JARID2: variants seen among roughly 807,000 people sequenced by gnomAD.
The protein encoded by JARID2 is protein Jumonji.
A neutral mutation model predicts 125.6 loss-of-function variants in JARID2; 21 were observed. That is an observed-to-expected ratio of 0.17 (90% CI 0.12 to 0.24). The LOEUF (loss-of-function observed/expected upper bound fraction) is 0.24. Ranked by LOEUF, JARID2 falls within the 10% of genes least tolerant of loss-of-function variation. The pLI is 1.00. For synonymous variants in JARID2, 736 were observed against 661.6 expected (o/e 1.11, Z -1.73); for missense variants, 1,303 against 1,639.6 (o/e 0.79, Z 3.55).
At chr6:15,260,595 C>T (rs1018670191) in intron 1 of JARID2, among the ~76,000 whole-genome samples, 7 of 152,188 alleles carry the variant, frequency 4.6e-5, no homozygotes, top group South Asian at 2.1e-4. Context: ...TCAATTAGTT[C>T]TGCAGAAACT....
intron 1 of JARID2, among the ~76,000 whole-genome samples, chr6:15,327,528 AGTGTGTGTGTGTGTGTGTGTGTGCGC>A (rs1762570716): frequency 6.7e-6 from 1 of 149,270 alleles, no homozygotes; most frequent in African/African-American, 2.5e-5. Flanking sequence ...ATTCTGGAAG[AGTGTGTGTGTGTGTGTGTGTGTGCGC>A]GTGTGTGTGC....
At chr6:15,361,984 C>T (rs540140286) in intron 1 of JARID2, among the ~76,000 whole-genome samples, 1 of 148,730 alleles carries the variant, frequency 6.7e-6, no homozygotes, top group East Asian at 2.0e-4. Context: ...CAAACTCTGC[C>T]TTCTGGGTTC....
chr6:15,362,249 C>G lies in JARID2; in HGVS notation c.46-11868C>G, dbSNP rs575289876. ...AGTTTAAGTGTTATTGAGGTCTTCTCTCAGGGTTACATAGGATCATGCATT... is the reference window on the plus strand; with the variant it reads ...AGTTTAAGTGTTATTGAGGTCTTCTGTCAGGGTTACATAGGATCATGCATT... On this transcript the variant is annotated intron_variant, in intron 1 of 17. Coordinates refer to ENST00000341776, the MANE Select transcript of JARID2 (RefSeq NM_004973.4). 7.9e-5 allele frequency among the ~76,000 whole-genome samples: 12 copies of G among 152,202 alleles called. No homozygotes were observed. The South Asian group carries it at 1.7e-3, about 21-fold the overall frequency.
At chr6:15,362,752 G>T (rs553653341) in intron 1 of JARID2, among the ~76,000 whole-genome samples, 6 of 152,282 alleles carry the variant, frequency 3.9e-5, no homozygotes, top group African/African-American at 1.4e-4. Flanking sequence ...GAGAAAGAAC[G>T]TGGGGTAGAT....
intron 5 of JARID2, among the ~76,000 whole-genome samples, chr6:15,475,163 A>T (rs919866773): frequency 2.0e-5 from 3 of 152,232 alleles, no homozygotes; most frequent in African/African-American, 7.2e-5. Flanking sequence ...AATTTCTTAT[A>T]ATGGGATTTC....
rs1383834159 is a variant in JARID2 at position 15,501,413 on chromosome 6, G to C, written c.2448+4G>C. The C allele has an allele frequency of 1.3e-6, 2 of 1,528,950 alleles. No homozygotes were observed. The highest frequency in any genetic ancestry group is 2.6e-5 in the South Asian group (2 of 77,126). 94.7% of individuals were successfully genotyped at this position (1,528,950 alleles called of 1,614,324 possible). ...CTTCCACAAGTGCATCTATAAGGTA[G>C]GGGCCTCCGCAGAGCAGCCACTCCC... On this transcript the variant is annotated splice_donor_region_variant and intron_variant, in intron 8 of 17. Coordinates refer to ENST00000341776, the MANE Select transcript of JARID2 (RefSeq NM_004973.4).
chr6:15,454,907 G>T (rs1247272957), intron 4 of JARID2, among the ~76,000 whole-genome samples: 2 of 152,172 alleles, frequency 1.3e-5, no homozygotes, highest in Non-Finnish European at 2.9e-5. Flanking sequence ...ATAGAGAGAA[G>T]AACATGGCCA....
intron 1 of JARID2, chr6:15,248,055 GT>G: frequency 2.0e-6 from 2 of 985,388 alleles, no homozygotes; most frequent in Middle Eastern, 5.2e-4. Context: ...GGAGAGCAGC[GT>G]GGGGTGGGTT....
chr6:15,517,486 A>G (rs562908108), intron 17 of JARID2, among the ~76,000 whole-genome samples: 67 of 152,292 alleles, frequency 4.4e-4, no homozygotes, highest in African/African-American at 1.3e-3. Context: ...GATTTGAGCA[A>G]TGGGCTCTTA....
At chr6:15,288,899 C>G (rs1761099917) in intron 1 of JARID2, among the ~76,000 whole-genome samples, 1 of 152,206 alleles carries the variant, frequency 6.6e-6, no homozygotes, top group African/African-American at 2.4e-5. Context: ...CTTAAAGCAG[C>G]TAGTAAGCTC....
intron 1 of JARID2, among the ~76,000 whole-genome samples, chr6:15,287,423 T>C (rs1482493392): frequency 1.3e-5 from 2 of 152,230 alleles, no homozygotes; most frequent in Admixed American, 1.3e-4. Context: ...GGTCTAATTA[T>C]TGTAATTTTA....
chr6:15,258,424 T>G (rs1759748175), intron 1 of JARID2, among the ~76,000 whole-genome samples: 1 of 152,200 alleles, frequency 6.6e-6, no homozygotes, highest in South Asian at 2.1e-4. Context: ...TGTGCCTTCA[T>G]TATTGGCCTC....
chr6:15,476,512 G>A (rs557536738), intron 5 of JARID2, among the ~76,000 whole-genome samples: 1 of 152,292 alleles, frequency 6.6e-6, no homozygotes, highest in Non-Finnish European at 1.5e-5. Flanking sequence ...CAGATGTTTT[G>A]TTTTGCAAAC....
intron 5 of JARID2, among the ~76,000 whole-genome samples, chr6:15,485,737 C>A (rs1347480880): frequency 6.6e-6 from 1 of 152,028 alleles, no homozygotes; most frequent in African/African-American, 2.4e-5. Flanking sequence ...GGCACCACAG[C>A]AAATGAAAAA....
At chr6:15,403,485 T>C (rs1410293437) in intron 2 of JARID2, among the ~76,000 whole-genome samples, 1 of 152,146 alleles carries the variant, frequency 6.6e-6, no homozygotes, top group Non-Finnish European at 1.5e-5. Context: ...ATAGGAGATA[T>C]CTGCTGGGTT....
intron 2 of JARID2, chr6:15,400,889 T>TCCTC (rs1390092717): frequency 2.1e-4 from 268 of 1,287,976 alleles, no homozygotes; most frequent in African/African-American, 2.6e-4. Context: ...ACTGCGCTCT[T>TCCTC]CCTCCCTCCC....
intron 1 of JARID2, among the ~76,000 whole-genome samples, chr6:15,341,960 G>A (rs1404650031): frequency 6.6e-6 from 1 of 151,988 alleles, no homozygotes; most frequent in African/African-American, 2.4e-5. Flanking sequence ...ATTTACAAGA[G>A]CAATATATTT....
rs773577793 is a variant in JARID2, at chr6:15,520,760, G to T, written c.*509G>T. The T allele has an allele frequency of 2.2e-6, 1 of 455,966 alleles. No individual in the cohort carries two copies. Among genetic ancestry groups the T allele is most frequent in the South Asian group, 1.5e-5 (1 of 64,556 alleles). 28.2% of individuals were successfully genotyped at this position (455,966 alleles called of 1,614,324 possible). ...TCGTCTTCTGCCGTGTGCCAGATGA[G>T]CTTGTGATCTGGGAAGCCGGGGCAC... is the stretch of plus-strand genomic sequence containing the variant. On this transcript the variant is annotated 3_prime_UTR_variant, in exon 18 of 18. Coordinates refer to ENST00000341776, the MANE Select transcript of JARID2 (RefSeq NM_004973.4).
At chr6:15,318,962 T>C (rs967899738) in intron 1 of JARID2, among the ~76,000 whole-genome samples, 2 of 152,232 alleles carry the variant, frequency 1.3e-5, no homozygotes, top group African/African-American at 4.8e-5. Context: ...TTCTGTTTTC[T>C]TTACTGTGGC....
Sources: allele counts gnomAD v4.1 joint callset (sites outside exome capture counted in the v4.1 genomes callset), GRCh38; gene constraint gnomAD v4.1.1; transcripts MANE v1.5; gene names NCBI Gene and HGNC (gene_info 2026-07-23, HGNC 2026-07-21).